NSUN3: variants seen among roughly 807,000 people sequenced by gnomAD.
The protein encoded by NSUN3 is NOP2/Sun RNA methyltransferase 3.
Under a neutral mutation model 36.8 loss-of-function variants are expected in NSUN3, and 24 were observed. That is an observed-to-expected ratio of 0.65 (90% CI 0.47 to 0.92). NSUN3 has a LOEUF of 0.92. Ranked by LOEUF, NSUN3 falls within the 40% of genes least tolerant of loss-of-function variation. The pLI is 0.00. For synonymous variants in NSUN3, 146 were observed against 145.2 expected, an observed-to-expected ratio of 1.01 and a Z score of -0.04; for missense variants, 381 against 392.8, an observed-to-expected ratio of 0.97 and a Z score of 0.25.
chr3:94,108,423 C>A (rs2077400458), intron 5 of NSUN3, among the ~76,000 whole-genome samples: 1 of 152,266 alleles, frequency 6.6e-6, no homozygotes, highest in African/African-American at 2.4e-5. Flanking sequence ...TGCAGTGGCA[C>A]GATCTTGGCT....
At chr3:94,067,120 G>A (rs1246998076) in intron 2 of NSUN3, among the ~76,000 whole-genome samples, 1 of 152,140 alleles carries the variant, frequency 6.6e-6, no homozygotes, top group Non-Finnish European at 1.5e-5. Context: ...AAAGCTGTAT[G>A]GACAGTCAAT....
intron 5 of NSUN3, among the ~76,000 whole-genome samples, chr3:94,098,857 C>T (rs984283675): frequency 2.0e-5 from 3 of 152,110 alleles, no homozygotes; most frequent in Non-Finnish European, 2.9e-5. Flanking sequence ...GGATATTGTC[C>T]TCATGTCCTT....
intron 5 of NSUN3, among the ~76,000 whole-genome samples, chr3:94,124,148 C>CTTTTTTTTTTTTTTTTTTTT (rs58987431): frequency 2.0e-4 from 18 of 88,184 alleles, no homozygotes; most frequent in East Asian, 7.4e-4. Context: ...TATTTTATTT[C>CTTTTTTTTTTTTTTTTTTTT]TTTTTTTTTT....
rs556572824 is a variant in NSUN3, at chr3:94,114,075, A to T, written c.744-12136A>T. Among the ~76,000 whole-genome samples, 8 of 152,316 alleles carry T rather than the reference A, an allele frequency of 5.3e-5. No individual in the cohort carries two copies. The East Asian group carries it at 1.5e-3, about 29-fold the overall frequency. On this transcript the variant is annotated intron_variant, in intron 5 of 5. Coordinates refer to ENST00000314622, the MANE Select transcript of NSUN3 (RefSeq NM_022072.5). ...ATTCTCAGGTCATTGCTTAAGACCT[A>T]TTAATTCTACTTTCTTTATGTTAAA...
At chr3:94,087,834 A>G (rs2077298059) in intron 3 of NSUN3, among the ~76,000 whole-genome samples, 1 of 152,018 alleles carries the variant, frequency 6.6e-6, no homozygotes, top group South Asian at 2.1e-4. Context: ...AAACCTGGCT[A>G]ATTTTTGTAT....
chr3:94,069,490 G>A (rs771914823), intron 2 of NSUN3, among the ~76,000 whole-genome samples: 1 of 152,148 alleles, frequency 6.6e-6, no homozygotes, highest in Non-Finnish European at 1.5e-5. Flanking sequence ...AATAGGTTCT[G>A]TAATCTACAG....
intron 5 of NSUN3, among the ~76,000 whole-genome samples, chr3:94,100,764 A>G (rs932320319): frequency 6.6e-6 from 1 of 152,118 alleles, no homozygotes; most frequent in Non-Finnish European, 1.5e-5. Flanking sequence ...TCAGTTTTTA[A>G]AAAGGTATTT....
At chr3:94,125,700 C>T (rs1247021495) in intron 5 of NSUN3, among the ~76,000 whole-genome samples, 1 of 152,222 alleles carries the variant, frequency 6.6e-6, no homozygotes, top group Non-Finnish European at 1.5e-5. Context: ...CTTACTCTAT[C>T]TTTTCCATGT....
rs2077488207 is a variant in NSUN3, at chr3:94,126,728, A to T, written c.*238A>T. 2 of 402,126 alleles carry T rather than the reference A, an allele frequency of 5.0e-6. No individual in the cohort carries two copies. The highest frequency in any genetic ancestry group is 4.0e-5 in the African/African-American group (2 of 49,412). The allele number at this position is 402,126 out of a possible 1,614,324, so 24.9% of individuals were successfully genotyped here. On this transcript the variant is annotated 3_prime_UTR_variant, in exon 6 of 6. Coordinates refer to ENST00000314622, the MANE Select transcript of NSUN3 (RefSeq NM_022072.5). ...AGATGGTGTTTGTTCTATATTATAAATCTGCTGTCTTTGCTTGGCATTTTA... is the reference window on the plus strand; with the variant it reads ...AGATGGTGTTTGTTCTATATTATAATTCTGCTGTCTTTGCTTGGCATTTTA...
intron 5 of NSUN3, among the ~76,000 whole-genome samples, chr3:94,099,022 A>C (rs2077354382): frequency 1.3e-5 from 2 of 152,182 alleles, no homozygotes; most frequent in Admixed American, 1.3e-4. Flanking sequence ...GCATGTAGAA[A>C]AGACTAAGTA....
chr3:94,077,512 G>A (rs1179337758), intron 2 of NSUN3, among the ~76,000 whole-genome samples: 1 of 152,182 alleles, frequency 6.6e-6, no homozygotes, highest in African/African-American at 2.4e-5. Flanking sequence ...CAGAAGGAAT[G>A]GCACTAGCTC....
In NSUN3 at chr3:94,122,520, C is replaced by G. The variant is rs552382130; in HGVS notation, c.744-3691C>G. On this transcript the variant is annotated intron_variant, in intron 5 of 5. Transcript: ENST00000314622. ...ACCACCCTTCCCTCATCACACTACC[C>G]TGCACCCTGCAATCTCACACTGTAC... is the stretch of plus-strand genomic sequence containing the variant. Among the ~76,000 whole-genome samples the G allele has an allele frequency of 7.2e-5, 11 of 152,290 alleles. No homozygotes were observed. In the South Asian group the frequency reaches 2.3e-3, roughly 32 times the overall value.
intron 5 of NSUN3, among the ~76,000 whole-genome samples, chr3:94,104,117 C>G (rs914863420): frequency 3.9e-5 from 6 of 152,100 alleles, no homozygotes; most frequent in Admixed American, 6.6e-5. Flanking sequence ...GGCATGGCTT[C>G]CTAGAGATAC....
chr3:94,075,236 C>T (rs1184826477), intron 2 of NSUN3, among the ~76,000 whole-genome samples: 1 of 150,864 alleles, frequency 6.6e-6, no homozygotes, highest in Non-Finnish European at 1.5e-5. Context: ...TTGGTGGTCT[C>T]AAGTTAAAAG....
At position 94,084,256 on chromosome 3, in the gene NSUN3, G is replaced by C. The variant is rs1380012042; in HGVS notation, c.272G>C (p.Cys91Ser). Residue 91 changes from cysteine (C) to serine (S), a missense_variant, in exon 3 of 6, where the codon TGT (cysteine) becomes TCT (serine). Cys to Ser is a moderately radical substitution (Grantham distance 112). Coordinates refer to ENST00000314622, the MANE Select transcript of NSUN3 (RefSeq NM_022072.5). ...SLPNYPKSVK[C>S]YLSRTPGRIP... Reference sequence around the variant, plus strand: ...CCCAACTATCCTAAATCAGTGAAGTGTTACCTTAGCAGAACTCCGGGCCGA... The same window carrying C: ...CCCAACTATCCTAAATCAGTGAAGTCTTACCTTAGCAGAACTCCGGGCCGA... The C allele has an allele frequency of 3.1e-6, 5 of 1,614,088 alleles. No homozygotes were observed. Among genetic ancestry groups the C allele is most frequent in the Non-Finnish European group, 2.5e-6 (3 of 1,180,016 alleles).
rs374867371 is a variant in NSUN3 at position 94,129,253 on chromosome 3, A to G, written c.*2763A>G. On this transcript the variant is annotated 3_prime_UTR_variant, in exon 6 of 6. Transcript: ENST00000314622. ...AATAGTAAAGATACGGAATCAACCT[A>G]ACCGCCCATCAGCAGTTGATTGAAT... is the stretch of plus-strand genomic sequence containing the variant. Among the ~76,000 whole-genome samples, 185 of 152,322 alleles carry G rather than the reference A, an allele frequency of 1.2e-3. No homozygotes were observed. The highest frequency in any genetic ancestry group is 4.1e-3 in the African/African-American group (172 of 41,566).
chr3:94,117,891 G>C (rs1459946179), intron 5 of NSUN3, among the ~76,000 whole-genome samples: 1 of 152,160 alleles, frequency 6.6e-6, no homozygotes, highest in Non-Finnish European at 1.5e-5. Flanking sequence ...GGGAATATGT[G>C]TGTTTCGGAG....
chr3:94,101,135 A>T (rs1178095305), intron 5 of NSUN3, among the ~76,000 whole-genome samples: 5 of 151,966 alleles, frequency 3.3e-5, no homozygotes, highest in Non-Finnish European at 5.9e-5. Flanking sequence ...GATACTACAG[A>T]TGCATGCTAC....
chr3:94,088,360 A>G (rs2077301261), intron 3 of NSUN3, among the ~76,000 whole-genome samples: 1 of 151,970 alleles, frequency 6.6e-6, no homozygotes, highest in South Asian at 2.1e-4. Flanking sequence ...CTTTCTCCCA[A>G]CAACTTTTGT....
Sources: gnomAD v4.1 joint callset for allele counts (sites outside exome capture counted in the v4.1 genomes callset) on GRCh38, gnomAD v4.1.1 for gene constraint, MANE v1.5 for transcripts, NCBI Gene and HGNC (gene_info 2026-07-23, HGNC 2026-07-21) for gene names.